The following LRP1B variants were observed in gnomAD, a reference collection of about 807,000 sequenced individuals.
LRP1B encodes the protein low-density lipoprotein receptor-related protein 1B.
LRP1B carries 217 observed loss-of-function variants against 556.6 expected under a neutral mutation model. That is an observed-to-expected ratio of 0.39 (90% CI 0.35 to 0.44). The LOEUF is 0.44. LRP1B is among the 20% of genes least tolerant of loss of function. The pLI is 1.00. For missense variants in LRP1B, 5,053 were observed against 5,620.8 expected (o/e 0.90, Z 3.23); for synonymous variants, 2,047 against 1,865.8 (o/e 1.10, Z -2.50).
intron 7 of LRP1B, among the ~76,000 whole-genome samples, chr2:141,093,857 G>T (rs1174393635): frequency 2.6e-5 from 4 of 151,992 alleles, no homozygotes; most frequent in African/African-American, 4.8e-5. Flanking sequence ...TGGGATTACA[G>T]TTGCCCACCA....
chr2:140,859,231 A>C (rs1050126460), intron 27 of LRP1B, among the ~76,000 whole-genome samples: 11 of 151,950 alleles, frequency 7.2e-5, no homozygotes, highest in Non-Finnish European at 1.2e-4. Flanking sequence ...CTTTTTGACA[A>C]AAAAGAAAAA....
At chr2:140,398,537 T>TTGTTGTTGTTGTTG (rs1270863571) in intron 66 of LRP1B, among the ~76,000 whole-genome samples, 1 of 88,530 alleles carries the variant, frequency 1.1e-5, no homozygotes, top group Non-Finnish European at 2.4e-5. Flanking sequence ...TGTTGTTGTT[T>TTGTTGTTGTTGTTG]TTGTTTTGAG....
At chr2:140,535,327 T>G (rs1017071066) in intron 46 of LRP1B, among the ~76,000 whole-genome samples, 2 of 152,170 alleles carry the variant, frequency 1.3e-5, no homozygotes, top group African/African-American at 4.8e-5. Context: ...TGCTTTAATA[T>G]TTTTATATCT....
intron 7 of LRP1B, among the ~76,000 whole-genome samples, chr2:141,096,679 A>AGAGAGAGAGAGAGAGAGG (rs1700328675): frequency 4.5e-5 from 4 of 88,446 alleles, no homozygotes; most frequent in Admixed American, 1.3e-4. Context: ...AGAGAGAGAG[A>AGAGAGAGAGAGAGAGAGG]GAGAGAGAGA....
intron 43 of LRP1B, among the ~76,000 whole-genome samples, chr2:140,563,970 A>G (rs181055039): frequency 6.6e-6 from 1 of 152,240 alleles, no homozygotes; most frequent in Non-Finnish European, 1.5e-5. Context: ...TGCAAGCCCT[A>G]TGGGAGGGAG....
At chr2:141,764,198 T>G (rs575355920) in intron 2 of LRP1B, among the ~76,000 whole-genome samples, 26 of 152,174 alleles carry the variant, frequency 1.7e-4, no homozygotes, top group African/African-American at 5.5e-4. Context: ...CTTTTTTTTT[T>G]GAGACAGAGT....
chr2:140,735,010 ACT>A (rs1687900076), intron 35 of LRP1B, among the ~76,000 whole-genome samples: 1 of 151,970 alleles, frequency 6.6e-6, no homozygotes. Context: ...TCCTGTCTTG[ACT>A]CTGTTTCCCA....
At chr2:141,980,791 C>T (rs35937706) in intron 1 of LRP1B, among the ~76,000 whole-genome samples, 2,780 of 152,126 alleles carry the variant, frequency 0.018, 46 homozygotes, top group Non-Finnish European at 0.03. Context: ...GTGAATTTTC[C>T]TGAATTTTAA....
Position 140,653,654 on chromosome 2 carries a change from G to C in LRP1B, c.6799+46596C>G, listed in dbSNP as rs553783889. ...ATAATATATGTGACCATATTATAAA[G>C]AAATAGGGGTAATTTATATGTTATT... is the stretch of plus-strand genomic sequence containing the variant. On this transcript the variant is annotated intron_variant, in intron 41 of 90. Coordinates refer to ENST00000389484, the MANE Select transcript of LRP1B (RefSeq NM_018557.3). Among the ~76,000 whole-genome samples, 151 of 152,102 alleles carry C rather than the reference G, an allele frequency of 9.9e-4. 1 individual carries two copies. The highest frequency in any genetic ancestry group is 3.5e-3 in the African/African-American group (144 of 41,498).
chr2:141,520,061 C>T (rs1684477175), intron 2 of LRP1B, among the ~76,000 whole-genome samples: 1 of 152,118 alleles, frequency 6.6e-6, no homozygotes, highest in Non-Finnish European at 1.5e-5. Context: ...ATACAGCTGC[C>T]ATTTTGGGCT....
chr2:141,414,418 CT>C (rs1364077447), intron 3 of LRP1B, among the ~76,000 whole-genome samples: 2 of 151,366 alleles, frequency 1.3e-5, no homozygotes, highest in Non-Finnish European at 3.0e-5. Flanking sequence ...AGCTTCCCCC[CT>C]CATACTGTGC....
chr2:141,084,229 A>T (rs1699992485), intron 7 of LRP1B, among the ~76,000 whole-genome samples: 1 of 152,164 alleles, frequency 6.6e-6, no homozygotes, highest in African/African-American at 2.4e-5. Context: ...CACAAGAAAA[A>T]TTGGTGTCTA....
At chr2:140,335,465 T>A in intron 78 of LRP1B, 150 bp downstream of exon 78, 1 of 628,016 alleles carries the variant, frequency 1.6e-6, no homozygotes, top group African/African-American at 1.8e-5. Context: ...TAGGACATGC[T>A]TTTTTACAGA....
intron 86 of LRP1B, among the ~76,000 whole-genome samples, chr2:140,258,706 A>G (rs1438422147): frequency 1.3e-5 from 2 of 152,126 alleles, no homozygotes; most frequent in Non-Finnish European, 2.9e-5. Flanking sequence ...AAAGAGACAG[A>G]TGTCATTAGC....
At chr2:141,913,959 G>C (rs1196998752) in intron 1 of LRP1B, among the ~76,000 whole-genome samples, 1 of 152,076 alleles carries the variant, frequency 6.6e-6, no homozygotes, top group Admixed American at 6.6e-5. Flanking sequence ...TGTTAGCCAG[G>C]ATGGTCTCGA....
chr2:142,021,349 A>G (rs1231097505), intron 1 of LRP1B, among the ~76,000 whole-genome samples: 1 of 152,028 alleles, frequency 6.6e-6, no homozygotes, highest in Non-Finnish European at 1.5e-5. Flanking sequence ...AGTGGAAAGG[A>G]AAAAGGCCCA....
chr2:141,142,777 TATAA>T (rs557925826), intron 7 of LRP1B, among the ~76,000 whole-genome samples: 242 of 152,166 alleles, frequency 1.6e-3, no homozygotes, highest in Non-Finnish European at 2.4e-3. Flanking sequence ...ACATTTTACT[TATAA>T]ATAAACTGTT....
intron 2 of LRP1B, among the ~76,000 whole-genome samples, chr2:141,523,442 T>C (rs1348499154): frequency 6.6e-6 from 1 of 152,036 alleles, no homozygotes; most frequent in African/African-American, 2.4e-5. Context: ...ATGAAAGTAA[T>C]TGCCAAGAGT....
At chr2:140,307,810 T>A (rs1484629240) in intron 83 of LRP1B, among the ~76,000 whole-genome samples, 1 of 151,770 alleles carries the variant, frequency 6.6e-6, no homozygotes. Flanking sequence ...TTTGGAATAA[T>A]CAAAGTTCTC....
Sources: allele counts gnomAD v4.1 joint callset (sites outside exome capture counted in the v4.1 genomes callset), GRCh38; gene constraint gnomAD v4.1.1; transcripts MANE v1.5; gene names NCBI Gene and HGNC (gene_info 2026-07-23, HGNC 2026-07-21).